The following DYNC2H1 variants were observed in gnomAD, a reference collection of about 807,000 sequenced individuals.
DYNC2H1 encodes the protein dynein cytoplasmic 2 heavy chain 1.
Under a neutral mutation model 570.0 loss-of-function variants are expected in DYNC2H1, and 410 were observed. The ratio of observed to expected loss-of-function variants is 0.72; its 90% CI spans 0.66 to 0.78. The LOEUF is 0.78. DYNC2H1 is among the 30% of genes least tolerant of loss of function. The pLI is 0.00. For synonymous variants in DYNC2H1, 1,688 were observed against 1,677.6 expected (o/e 1.01, Z -0.15); for missense variants, 4,865 against 5,046.4 (o/e 0.96, Z 1.09).
At chr11:103,404,305 T>A (rs1213472097) in intron 84 of DYNC2H1, 1 of 151,582 alleles carries the variant, frequency 6.6e-6, no homozygotes, top group African/African-American at 2.4e-5. Context: ...CCTTCCTTTT[T>A]GGCTTAGGTT....
intron 88 of DYNC2H1, among the ~76,000 whole-genome samples, chr11:103,471,856 T>G (rs1009619940): frequency 6.6e-6 from 1 of 152,088 alleles, no homozygotes; most frequent in African/African-American, 2.4e-5. Flanking sequence ...TTATATAAAG[T>G]GCTTTGATAG....
At position 103,140,082 on chromosome 11, in the gene DYNC2H1, A is replaced by G. The variant is rs1161198128; in HGVS notation, c.2575-3186A>G. On this transcript the variant is annotated intron_variant, in intron 17 of 88. Coordinates refer to ENST00000375735, the MANE Select transcript of DYNC2H1 (RefSeq NM_001377.3). Reference sequence around the variant, plus strand: ...CCATTTGCTTGGTAGATCTTCCTCCATCCTTTTATTTTGAGCCTATGTTGT... The same window carrying G: ...CCATTTGCTTGGTAGATCTTCCTCCGTCCTTTTATTTTGAGCCTATGTTGT... Among the ~76,000 whole-genome samples the G allele has an allele frequency of 2.6e-5, 4 of 152,042 alleles. No individual in the cohort carries two copies. In the East Asian group the frequency reaches 5.8e-4, roughly 22 times the overall value.
In DYNC2H1 at chr11:103,275,936, G is replaced by T. The variant is rs150642639; in HGVS notation, c.10696-4412G>T. ...AATATGTTTTGTTTTGTAAGAAACC[G>T]CTAACCTGCCTTCCAAAGTGGCTGT... On this transcript the variant is annotated intron_variant, in intron 70 of 88. Coordinates refer to ENST00000375735, the MANE Select transcript of DYNC2H1 (RefSeq NM_001377.3). The surrounding 1 kb of genome is among the most constrained non-coding windows in gnomAD (Gnocchi z 4.8). 3.7e-3 allele frequency among the ~76,000 whole-genome samples: 562 copies of T among 152,246 alleles called. No homozygotes were observed. Among genetic ancestry groups the T allele is most frequent in the Middle Eastern group, 0.01 (3 of 294 alleles).
At chr11:103,371,445 A>G (rs368860892) in intron 83 of DYNC2H1, among the ~76,000 whole-genome samples, 25 of 152,300 alleles carry the variant, frequency 1.6e-4, no homozygotes, top group African/African-American at 5.8e-4. Context: ...ATATTCACAT[A>G]CAAGAAGGTT....
chr11:103,190,630 T>C (rs1426048291), intron 45 of DYNC2H1, among the ~76,000 whole-genome samples: 1 of 152,166 alleles, frequency 6.6e-6, no homozygotes, highest in Non-Finnish European at 1.5e-5. Flanking sequence ...ATGCTTTTTA[T>C]AATATTGGAG....
At chr11:103,238,469 T>C (rs1014657041) in intron 63 of DYNC2H1, among the ~76,000 whole-genome samples, 3 of 152,046 alleles carry the variant, frequency 2.0e-5, no homozygotes, top group African/African-American at 4.8e-5. Flanking sequence ...CTCAGGAGGC[T>C]GAGACAGGAG....
chr11:103,440,169 C>G (rs1312853158), intron 85 of DYNC2H1, among the ~76,000 whole-genome samples: 1 of 152,032 alleles, frequency 6.6e-6, no homozygotes, highest in African/African-American at 2.4e-5. Flanking sequence ...TATATCCAAG[C>G]CAGGATATAG....
intron 70 of DYNC2H1, among the ~76,000 whole-genome samples, chr11:103,270,720 G>A (rs1192854615): frequency 2.0e-5 from 3 of 152,042 alleles, no homozygotes; most frequent in Non-Finnish European, 4.4e-5. Flanking sequence ...CTGGACAAAG[G>A]GACAATTGAT....
At chr11:103,470,142 A>T (rs1335660362) in intron 88 of DYNC2H1, among the ~76,000 whole-genome samples, 1 of 152,164 alleles carries the variant, frequency 6.6e-6, no homozygotes, top group Non-Finnish European at 1.5e-5. Flanking sequence ...CACGTACTGA[A>T]CGCAAATCAG....
intron 65 of DYNC2H1, among the ~76,000 whole-genome samples, chr11:103,248,058 T>G (rs1162825816): frequency 6.6e-6 from 1 of 152,048 alleles, no homozygotes; most frequent in Non-Finnish European, 1.5e-5. Flanking sequence ...ATGCTGCTTT[T>G]TATAGGCCAA....
intron 70 of DYNC2H1, among the ~76,000 whole-genome samples, chr11:103,266,999 C>T (rs901896017): frequency 1.3e-5 from 2 of 152,192 alleles, no homozygotes; most frequent in Non-Finnish European, 2.9e-5. Flanking sequence ...TACTCCGGTA[C>T]CAAACCCCCT....
chr11:103,148,280 A>G (rs1400808523), intron 19 of DYNC2H1, among the ~76,000 whole-genome samples: 5 of 152,220 alleles, frequency 3.3e-5, no homozygotes, highest in Non-Finnish European at 1.5e-5. Context: ...ATTTTTAAAT[A>G]CAACGTGAAA....
At chr11:103,184,832 G>T in intron 40 of DYNC2H1, 64 bp from the exon 41 acceptor site, 1 of 1,563,082 alleles carries the variant, frequency 6.4e-7, no homozygotes, top group Non-Finnish European at 8.7e-7. Flanking sequence ...CAGTCTGTAT[G>T]GTTCTATGTT....
intron 12 of DYNC2H1, 25 bp downstream of exon 12, chr11:103,125,320 C>T: frequency 1.3e-6 from 2 of 1,515,974 alleles, no homozygotes; most frequent in Non-Finnish European, 1.8e-6. Context: ...TTTTTGAATA[C>T]CTGCCTATTT....
chr11:103,159,069 A>T, intron 28 of DYNC2H1, 42 bp downstream of exon 28: 3 of 1,500,024 alleles, frequency 2.0e-6, no homozygotes, highest in Non-Finnish European at 1.8e-6. Context: ...ATTGAGTTTC[A>T]ACTGTCTGCC....
rs1285850166 is a variant in DYNC2H1, at chr11:103,326,330, T to G, written c.12039+2340T>G. ...ATTGGCTCCTTCCCCGGGTTTCTTTTGCTATGTGTTCGGGGTGGTTGGGCT... is the reference window on the plus strand; with the variant it reads ...ATTGGCTCCTTCCCCGGGTTTCTTTGGCTATGTGTTCGGGGTGGTTGGGCT... On this transcript the variant is annotated intron_variant, in intron 82 of 88. Coordinates refer to ENST00000375735, the MANE Select transcript of DYNC2H1 (RefSeq NM_001377.3). The surrounding 1 kb of genome is among the most constrained non-coding windows in gnomAD (Gnocchi z 6.1). Among the ~76,000 whole-genome samples the G allele has an allele frequency of 6.6e-6, 1 of 152,154 alleles. No individual in the cohort carries two copies. Among genetic ancestry groups the G allele is most frequent in the Non-Finnish European group, 1.5e-5 (1 of 68,016 alleles).
chr11:103,362,891 C>CA (rs1389212243), intron 83 of DYNC2H1, among the ~76,000 whole-genome samples: 3 of 152,106 alleles, frequency 2.0e-5, no homozygotes, highest in Non-Finnish European at 2.9e-5. Flanking sequence ...ATTAGCCAGG[C>CA]ATGGTGGTGC....
intron 83 of DYNC2H1, among the ~76,000 whole-genome samples, chr11:103,387,306 G>A (rs1941927780): frequency 6.6e-6 from 1 of 152,176 alleles, no homozygotes; most frequent in Admixed American, 6.5e-5. Flanking sequence ...CTTCTTTTGA[G>A]AAGTGTCTGT....
intron 83 of DYNC2H1, among the ~76,000 whole-genome samples, chr11:103,376,189 G>A (rs1410264128): frequency 6.6e-6 from 1 of 152,134 alleles, no homozygotes; most frequent in East Asian, 1.9e-4. Flanking sequence ...AATTTCCTGA[G>A]GCCTCCCCAG....
Sources: allele counts gnomAD v4.1 joint callset (sites outside exome capture counted in the v4.1 genomes callset), GRCh38; gene constraint gnomAD v4.1.1; non-coding constraint Gnocchi (gnomAD v3.1); transcripts MANE v1.5; gene names NCBI Gene and HGNC (gene_info 2026-07-23, HGNC 2026-07-21).